Variants in GPR89B observed in about 807,000 individuals in gnomAD.
GPR89B encodes golgi pH regulator B.
Under a neutral mutation model 52.4 loss-of-function variants are expected in GPR89B, and 25 were observed. That is an observed-to-expected ratio of 0.48 (90% CI 0.35 to 0.67). GPR89B has a LOEUF of 0.67. Ranked by LOEUF, GPR89B falls within the 30% of genes least tolerant of loss-of-function variation. The pLI is 0.01. For missense variants in GPR89B, 146 were observed against 450.2 expected (o/e 0.32, Z 6.11); for synonymous variants, 52 against 151.2 (o/e 0.34, Z 4.81).
intron 10 of GPR89B, among the ~76,000 whole-genome samples, chr1:147,979,829 C>G (rs1440003168): frequency 1.3e-5 from 2 of 152,046 alleles, no homozygotes; most frequent in East Asian, 3.9e-4. Flanking sequence ...TGGCTCACAC[C>G]TGTATTCCCA....
intron 5 of GPR89B, among the ~76,000 whole-genome samples, chr1:147,948,849 G>A (rs28490056): frequency 6.6e-6 from 1 of 151,068 alleles, no homozygotes; most frequent in Non-Finnish European, 1.5e-5. Flanking sequence ...TGGAGGGAGG[G>A]TCAGCAGATA....
chr1:147,966,377 T>G (rs1657043047), intron 7 of GPR89B, among the ~76,000 whole-genome samples, 177 bp from the exon 8 acceptor site: 1 of 146,904 alleles, frequency 6.8e-6, no homozygotes, highest in African/African-American at 2.6e-5. Context: ...CAGGCCACAT[T>G]GCTTCCACAT....
chr1:147,929,834 AG>A (rs1165606000), intron 1 of GPR89B, among the ~76,000 whole-genome samples: 2 of 152,236 alleles, frequency 1.3e-5, no homozygotes, highest in East Asian at 3.9e-4. Flanking sequence ...AGTTTTCATA[AG>A]TATTGTTTTT....
the GPR89B span, among the ~76,000 whole-genome samples, chr1:147,998,870 G>C: frequency 7.6e-6 from 1 of 131,710 alleles, no homozygotes; most frequent in Non-Finnish European, 1.6e-5. Flanking sequence ...AACAGCGGGA[G>C]ACTCTGTCTC....
chr1:147,980,678 G>T (rs1658172246), intron 10 of GPR89B, among the ~76,000 whole-genome samples: 2 of 150,984 alleles, frequency 1.3e-5, no homozygotes, highest in African/African-American at 4.9e-5. Flanking sequence ...AAGCCAAAAA[G>T]AAATTCCATA....
At chr1:147,936,271 C>T (rs188106314) in intron 1 of GPR89B, among the ~76,000 whole-genome samples, 27 of 152,264 alleles carry the variant, frequency 1.8e-4, no homozygotes, top group African/African-American at 5.5e-4. Context: ...CTTGTCCTCC[C>T]GAAGTGCTGG....
chr1:147,943,982 TCTC>T lies in GPR89B; in HGVS notation c.314-11_314-9del, dbSNP rs782264939. Reference sequence around the variant, plus strand: ...ATATCTGTTTTTCCTAACAGTTTTGTCTCCTCTGTCTCAGTGCATAAACAACGA... The same window carrying T: ...ATATCTGTTTTTCCTAACAGTTTTGTCTCTGTCTCAGTGCATAAACAACGA... On this transcript the variant is annotated splice_polypyrimidine_tract_variant and intron_variant, in intron 4 of 13. Transcript: ENST00000314163. 1.4e-6 allele frequency: 2 copies of T among 1,399,478 alleles called. No individual in the cohort carries two copies. The highest frequency in any genetic ancestry group is 2.3e-5 in the East Asian group (1 of 42,908). The allele number at this position is 1,399,478 out of a possible 1,614,324, so 86.7% of individuals were successfully genotyped here. A position where few individuals can be genotyped will look rare whatever the true frequency, so the allele number is the denominator to read the frequency against.
At chr1:147,976,695 G>A (rs1167746305) in intron 10 of GPR89B, among the ~76,000 whole-genome samples, 1 of 151,918 alleles carries the variant, frequency 6.6e-6, no homozygotes, top group Non-Finnish European at 1.5e-5. Flanking sequence ...CATGATGCCA[G>A]CTGGTTATTT....
the GPR89B span, among the ~76,000 whole-genome samples, chr1:148,002,456 G>T: frequency 1.3e-5 from 2 of 152,092 alleles, no homozygotes; most frequent in East Asian, 3.9e-4. Context: ...CCATCTTGAT[G>T]CACATTCCTA....
chr1:148,002,325 T>C, the GPR89B span, among the ~76,000 whole-genome samples: 5,750 of 150,152 alleles, frequency 0.038, 166 homozygotes, highest in African/African-American at 0.058. Flanking sequence ...ATCCCACTTC[T>C]TCTACCCTGA....
At chr1:147,961,258 A>G (rs1224784874) in intron 7 of GPR89B, among the ~76,000 whole-genome samples, 555 of 152,270 alleles carry the variant, frequency 3.6e-3, no homozygotes, top group African/African-American at 0.013. Flanking sequence ...GTAGGAGACA[A>G]TATCAAGCAG....
downstream of GPR89B, among the ~76,000 whole-genome samples, chr1:147,998,186 G>A (rs1463292218): frequency 4.8e-5 from 7 of 146,250 alleles, no homozygotes; most frequent in African/African-American, 1.0e-4. Flanking sequence ...ACACGTGTCC[G>A]GAACATTTGT....
chr1:147,949,836 C>A (rs587665907), intron 5 of GPR89B, among the ~76,000 whole-genome samples: 1 of 141,482 alleles, frequency 7.1e-6, no homozygotes, highest in Non-Finnish European at 1.5e-5. Context: ...GGCAGCTTGC[C>A]GGGCAGAGGG....
intron 1 of GPR89B, among the ~76,000 whole-genome samples, chr1:147,932,664 C>CT (rs1483872204): frequency 1.3e-5 from 2 of 152,158 alleles, no homozygotes; most frequent in Non-Finnish European, 2.9e-5. Context: ...ACTGTGAATA[C>CT]TTTCTGCATT....
intron 7 of GPR89B, among the ~76,000 whole-genome samples, chr1:147,959,010 A>C (rs1328974814): frequency 5.9e-5 from 9 of 152,076 alleles, no homozygotes; most frequent in Non-Finnish European, 1.2e-4. Flanking sequence ...GGTTTTACAA[A>C]ATAAAATTTT....
chr1:147,969,238 A>G (rs1657246798), intron 9 of GPR89B: 4 of 435,118 alleles, frequency 9.2e-6, no homozygotes, highest in Non-Finnish European at 1.2e-5. Context: ...ACCACCTCCT[A>G]CTAACCTGGG....
At chr1:148,017,516 C>T in the GPR89B span, among the ~76,000 whole-genome samples, 5 of 149,670 alleles carry the variant, frequency 3.3e-5, no homozygotes, top group East Asian at 2.0e-4. Flanking sequence ...GGGTGGATCA[C>T]GAGGTCAGGA....
chr1:148,013,303 C>T, the GPR89B span, among the ~76,000 whole-genome samples: 2 of 152,110 alleles, frequency 1.3e-5, no homozygotes, highest in African/African-American at 4.8e-5. Flanking sequence ...GTTCCTGCCC[C>T]GCAAGCCTCC....
chr1:148,000,741 T>C, the GPR89B span, among the ~76,000 whole-genome samples: 2 of 149,652 alleles, frequency 1.3e-5, no homozygotes, highest in Non-Finnish European at 3.0e-5. Flanking sequence ...CAGGTATCTG[T>C]TAAACTAGAC....
Sources: allele counts gnomAD v4.1 joint callset (sites outside exome capture counted in the v4.1 genomes callset), GRCh38; gene constraint gnomAD v4.1.1; transcripts MANE v1.5; gene names NCBI Gene and HGNC (gene_info 2026-07-23, HGNC 2026-07-21).